Variants in HECW2 observed in about 807,000 individuals in gnomAD.
HECW2 encodes the protein E3 ubiquitin-protein ligase HECW2.
Under a neutral mutation model 175.2 loss-of-function variants are expected in HECW2, and 61 were observed. The ratio of observed to expected loss-of-function variants is 0.35; its 90% CI spans 0.28 to 0.43. The LOEUF is 0.43. Ranked by LOEUF, HECW2 falls within the 20% of genes least tolerant of loss-of-function variation. The pLI, the probability that HECW2 is intolerant of heterozygous loss-of-function variation, is 1.00. For synonymous variants in HECW2, 671 were observed against 731.0 expected, an observed-to-expected ratio of 0.92 and a Z score of 1.32; for missense variants, 1,524 against 2,000.5, an observed-to-expected ratio of 0.76 and a Z score of 4.54.
At chr2:196,320,039 C>G (rs894650645) in intron 8 of HECW2, 135 bp from the exon 9 acceptor site, 27 of 868,350 alleles carry the variant, frequency 3.1e-5, no homozygotes, top group Non-Finnish European at 4.6e-5. Context: ...TGCTAAGATT[C>G]ACCACTCACT....
intron 1 of HECW2, among the ~76,000 whole-genome samples, chr2:196,491,909 A>G (rs750333775): frequency 6.6e-5 from 10 of 152,194 alleles, no homozygotes; most frequent in Non-Finnish European, 1.3e-4. Flanking sequence ...ACAAAGCACT[A>G]TAATTCCAGA....
intron 2 of HECW2, among the ~76,000 whole-genome samples, chr2:196,351,459 T>A (rs1693168699): frequency 6.6e-6 from 1 of 152,114 alleles, no homozygotes; most frequent in African/African-American, 2.4e-5. Context: ...CTATGTTAAA[T>A]AACTCCAAAA....
intron 9 of HECW2, among the ~76,000 whole-genome samples, chr2:196,317,881 G>A (rs373315444): frequency 1.3e-5 from 2 of 152,178 alleles, no homozygotes; most frequent in African/African-American, 2.4e-5. Context: ...TTCACTGAGC[G>A]TAATACAAAT....
intron 2 of HECW2, among the ~76,000 whole-genome samples, chr2:196,398,993 A>C (rs536926492): frequency 6.6e-6 from 1 of 152,274 alleles, no homozygotes; most frequent in South Asian, 2.1e-4. Context: ...AAAAACAAAA[A>C]ATAGAGACAA....
intron 2 of HECW2, among the ~76,000 whole-genome samples, chr2:196,414,756 G>A (rs540576222): frequency 1.3e-5 from 2 of 152,122 alleles, no homozygotes; most frequent in Admixed American, 6.5e-5. Context: ...TGTTGTGGGC[G>A]GATCCCCCAC....
At chr2:196,317,545 A>T (rs1691744583) in intron 9 of HECW2, among the ~76,000 whole-genome samples, 176 bp from the exon 10 acceptor site, 2 of 152,258 alleles carry the variant, frequency 1.3e-5, no homozygotes, top group South Asian at 4.1e-4. Flanking sequence ...TGCTTAGAAG[A>T]GGGCTTCCTG....
intron 2 of HECW2, among the ~76,000 whole-genome samples, chr2:196,354,058 T>C (rs1366134653): frequency 1.3e-5 from 2 of 152,206 alleles, no homozygotes; most frequent in African/African-American, 4.8e-5. Flanking sequence ...GTTAATACTG[T>C]GGCCCTTTGC....
At chr2:196,415,881 T>C (rs1695242340) in intron 2 of HECW2, among the ~76,000 whole-genome samples, 1 of 152,154 alleles carries the variant, frequency 6.6e-6, no homozygotes, top group Non-Finnish European at 1.5e-5. Context: ...CAAAGGGTGT[T>C]GGGAGTTGAA....
At chr2:196,369,408 G>A (rs1693845795) in intron 2 of HECW2, among the ~76,000 whole-genome samples, 1 of 145,596 alleles carries the variant, frequency 6.9e-6, no homozygotes, top group African/African-American at 2.7e-5. Flanking sequence ...GAACCTAAGA[G>A]AGGAATGACA....
rs1575565125 is a variant in HECW2 at position 196,458,789 on chromosome 2, C to T, written c.-35-25331G>A. ...GCTGAGGCAGGAGAATGACTTGAAC[C>T]CAGGAGGAGGAGGTTGCAGTGAGCC... On this transcript the variant is annotated intron_variant, in intron 1 of 28. Transcript: ENST00000644978. Among the ~76,000 whole-genome samples, 2 of 152,110 alleles carry T rather than the reference C, an allele frequency of 1.3e-5. 1 individual carries two copies. The highest frequency in any genetic ancestry group is 4.8e-5 in the African/African-American group (2 of 41,404).
At chr2:196,478,363 T>C (rs1036279178) in intron 1 of HECW2, among the ~76,000 whole-genome samples, 1 of 152,178 alleles carries the variant, frequency 6.6e-6, no homozygotes. Flanking sequence ...TTTCCACAGA[T>C]GAGTCTCCTG....
At chr2:196,216,932 T>C in intron 27 of HECW2, 76 bp downstream of exon 27, 1 of 963,444 alleles carries the variant, frequency 1.0e-6, no homozygotes. Flanking sequence ...GGAGAATAGT[T>C]AGCAGTTATT....
In HECW2 at chr2:196,271,274, A is replaced by G. The variant is rs1164284334; in HGVS notation, c.3254T>C (p.Ile1085Thr). 2 of 1,606,360 alleles carry G rather than the reference A, an allele frequency of 1.2e-6. No individual in the cohort carries two copies. Among genetic ancestry groups the G allele is most frequent in the Non-Finnish European group, 1.7e-6 (2 of 1,173,290 alleles). Residue 1085 changes from isoleucine (I) to threonine (T), a missense_variant, in exon 17 of 29, where the codon ATT (isoleucine) becomes ACT (threonine). This residue lies in a region of HECW2 where 291 missense variants were observed against 412.2 expected (regional missense o/e 0.71). Transcript: ENST00000644978. ...ATTGGGTTGACGTAGAAATGCAACA[A>G]TCTTGTCATTGTAAGCTGAAAAAAA... Reference protein sequence around the residue: ...DMVPVAYNDKIVAFLRQPNIF... With the variant: ...DMVPVAYNDKTVAFLRQPNIF...
intron 21 of HECW2, among the ~76,000 whole-genome samples, chr2:196,235,223 T>C (rs2105862678): frequency 6.6e-6 from 1 of 151,528 alleles, no homozygotes; most frequent in African/African-American, 2.4e-5. Context: ...TCAGCCACCC[T>C]AGAAGCTGGG....
chr2:196,474,821 T>C (rs1686500953), intron 1 of HECW2, among the ~76,000 whole-genome samples: 1 of 152,204 alleles, frequency 6.6e-6, no homozygotes, highest in Non-Finnish European at 1.5e-5. Context: ...GATTTCTAAT[T>C]TCTTCCCTCA....
At chr2:196,324,574 A>C (rs1692075169) in intron 6 of HECW2, among the ~76,000 whole-genome samples, 2 of 152,196 alleles carry the variant, frequency 1.3e-5, no homozygotes, top group Non-Finnish European at 2.9e-5. Flanking sequence ...CAAAATTTTA[A>C]ATAAAACAAG....
At chr2:196,317,234 G>T (rs746386162) in intron 10 of HECW2, 40 bp downstream of exon 10, 13 of 1,443,516 alleles carry the variant, frequency 9.0e-6, no homozygotes, top group Non-Finnish European at 1.3e-5. Flanking sequence ...ACCTTTCACC[G>T]TTTGATTAAG....
At chr2:196,458,184 C>T (rs1280909624) in intron 1 of HECW2, among the ~76,000 whole-genome samples, 4 of 151,900 alleles carry the variant, frequency 2.6e-5, no homozygotes, top group Non-Finnish European at 5.9e-5. Context: ...GCAGGAGGAT[C>T]ACTTGAGCCC....
At chr2:196,543,439 T>C (rs1689296000) in intron 1 of HECW2, among the ~76,000 whole-genome samples, 1 of 152,110 alleles carries the variant, frequency 6.6e-6, no homozygotes, top group Non-Finnish European at 1.5e-5. Flanking sequence ...TATAATTATA[T>C]AATCAATATA....
Sources: allele counts gnomAD v4.1 joint callset (sites outside exome capture counted in the v4.1 genomes callset), GRCh38; gene constraint gnomAD v4.1.1; regional missense constraint gnomAD v4.1.1; transcripts MANE v1.5; gene names NCBI Gene and HGNC (gene_info 2026-07-23, HGNC 2026-07-21).